The following SMAD2 variants were observed in gnomAD, a reference collection of about 807,000 sequenced individuals.
The protein encoded by SMAD2 is SMAD family member 2.
SMAD2 carries 8 observed loss-of-function variants against 64.4 expected under a neutral mutation model. The ratio of observed to expected loss-of-function variants is 0.12; its 90% CI spans 0.07 to 0.22. The LOEUF is 0.22. Ranked by LOEUF, SMAD2 falls within the 10% of genes least tolerant of loss-of-function variation. The pLI, the probability that SMAD2 is intolerant of heterozygous loss-of-function variation, is 1.00. For missense variants in SMAD2, 289 were observed against 561.2 expected (o/e 0.51, Z 4.90); for synonymous variants, 203 against 195.8 (o/e 1.04, Z -0.31).
At chr18:47,925,775 A>G (rs1013870644) in intron 1 of SMAD2, among the ~76,000 whole-genome samples, 3 of 152,242 alleles carry the variant, frequency 2.0e-5, no homozygotes, top group Non-Finnish European at 1.5e-5. Context: ...AAGGTCACCA[A>G]TAATTATCTG....
At chr18:47,855,269 C>T (rs2030565631) in intron 6 of SMAD2, among the ~76,000 whole-genome samples, 1 of 152,196 alleles carries the variant, frequency 6.6e-6, no homozygotes, top group African/African-American at 2.4e-5. Context: ...ATTAAAACAT[C>T]TTGGTTGCTT....
In SMAD2 at chr18:47,838,409, G is replaced by C. The variant is rs1913639314; in HGVS notation, c.*3418C>G. 1 of 233,216 alleles carries C rather than the reference G, an allele frequency of 4.3e-6. No homozygotes were observed. The highest frequency in any genetic ancestry group is 8.5e-6 in the Non-Finnish European group (1 of 118,034). 14.4% of individuals were successfully genotyped at this position (233,216 alleles called of 1,614,324 possible). A position where few individuals can be genotyped will look rare whatever the true frequency, so the allele number is the denominator to read the frequency against. The stretch of plus-strand genomic sequence containing the variant: ...CACAACCTCTACAAGACCAAGCACA[G>C]CTCAAGGGTCAGGGCCCCGTCCTAG... On this transcript the variant is annotated 3_prime_UTR_variant, in exon 11 of 11. Coordinates refer to ENST00000262160, the MANE Select transcript of SMAD2 (RefSeq NM_005901.6).
Position 47,827,004 on chromosome 18 carries a change from C to G in SMAD2, c.*14823G>C, listed in dbSNP as rs1182553870. 6.6e-6 allele frequency: 1 copy of G among 152,148 alleles called. No homozygotes were observed. Among genetic ancestry groups the G allele is most frequent in the Non-Finnish European group, 1.5e-5 (1 of 68,024 alleles). 9.4% of individuals were successfully genotyped at this position (152,148 alleles called of 1,614,324 possible). On this transcript the variant is annotated 3_prime_UTR_variant, in exon 11 of 11. Transcript: ENST00000262160. ...TGATGAAAAGATTTATCTAAAGTCA[C>G]ATAAATTGGCACAATCAGGGTCCAA...
At chr18:47,904,859 A>G (rs2033841011) in intron 1 of SMAD2, among the ~76,000 whole-genome samples, 1 of 152,218 alleles carries the variant, frequency 6.6e-6, no homozygotes. Flanking sequence ...GCAACACTAG[A>G]AAAGAATGTT....
intron 8 of SMAD2, among the ~76,000 whole-genome samples, chr18:47,847,852 G>C (rs1461651646): frequency 1.3e-5 from 2 of 152,198 alleles, no homozygotes; most frequent in East Asian, 3.9e-4. Flanking sequence ...AGTCATGAGA[G>C]TATGAGAGTA....
At chr18:47,891,305 C>T (rs925549279) in intron 2 of SMAD2, among the ~76,000 whole-genome samples, 8 of 152,052 alleles carry the variant, frequency 5.3e-5, no homozygotes, top group Non-Finnish European at 7.4e-5. Context: ...AACTCTGTCT[C>T]GTTTCTAAGA....
intron 2 of SMAD2, among the ~76,000 whole-genome samples, chr18:47,880,993 C>G (rs997501242): frequency 1.3e-5 from 2 of 152,190 alleles, no homozygotes; most frequent in African/African-American, 4.8e-5. Flanking sequence ...TCTCCCAAGT[C>G]TTACCTATGG....
Position 47,865,073 on chromosome 18 carries a change from T to G in SMAD2, c.716A>C (p.Gln239Pro), listed in dbSNP as rs2031461056. The change falls in exon 6 of 11, where the codon CAA (glutamine) becomes CCA (proline). Residue 239 changes from glutamine to proline, a missense_variant. Physicochemically the swap from Gln to Pro is moderately conservative, Grantham distance 76 (BLOSUM62 -1). Transcript: ENST00000262160. ...DGETSDQQLN[Q>P]SMDTGSPAEL... ...ATTTTTTTTACCTGTGTCCATACTT[T>G]GATTCAACTGTTGGTCACTTGTTTC... 1.9e-6 allele frequency: 3 copies of G among 1,602,432 alleles called. No individual in the cohort carries two copies. The highest frequency in any genetic ancestry group is 2.2e-5 in the South Asian group (2 of 90,838).
Position 47,827,829 on chromosome 18 carries a change from A to G in SMAD2, c.*13998T>C. 1.0e-5 allele frequency: 2 copies of G among 192,816 alleles called. No individual in the cohort carries two copies. The highest frequency in any genetic ancestry group is 9.0e-5 in the South Asian group (1 of 11,084). 11.9% of individuals were successfully genotyped at this position (192,816 alleles called of 1,614,324 possible). A position where few individuals can be genotyped will look rare whatever the true frequency, so the allele number is the denominator to read the frequency against. ...TGCAGTGGCACGATCTCGGCTCGCT[A>G]CAACCTCCACCTCCCAGCCGCCTGC... is the stretch of plus-strand genomic sequence containing the variant. On this transcript the variant is annotated 3_prime_UTR_variant, in exon 11 of 11. Transcript: ENST00000262160.
At chr18:47,903,289 A>C (rs979871654) in intron 1 of SMAD2, among the ~76,000 whole-genome samples, 2 of 152,038 alleles carry the variant, frequency 1.3e-5, no homozygotes, top group African/African-American at 2.4e-5. Context: ...AGGATTGCTA[A>C]AAGAAACCTC....
intron 2 of SMAD2, among the ~76,000 whole-genome samples, chr18:47,891,215 G>C (rs1490569132): frequency 6.6e-6 from 1 of 152,240 alleles, no homozygotes; most frequent in African/African-American, 2.4e-5. Flanking sequence ...TGAGGCAGGT[G>C]AATCGCTTGA....
intron 1 of SMAD2, among the ~76,000 whole-genome samples, chr18:47,927,102 G>GT (rs1421888552): frequency 6.6e-6 from 1 of 152,210 alleles, no homozygotes; most frequent in African/African-American, 2.4e-5. Context: ...CTTTCACTGA[G>GT]TTATTCAACT....
rs1365581148 is a variant in SMAD2, at chr18:47,838,121, T to C, written c.*3706A>G. On this transcript the variant is annotated 3_prime_UTR_variant, in exon 11 of 11. Coordinates refer to ENST00000262160, the MANE Select transcript of SMAD2 (RefSeq NM_005901.6). ...ACTAGCAAGAGACTAAGACTGATGT[T>C]TGTTTGTTTGTTTTACCTTCAAAGT... 1.3e-5 allele frequency: 3 copies of C among 228,180 alleles called. No homozygotes were observed. The highest frequency in any genetic ancestry group is 2.6e-5 in the Non-Finnish European group (3 of 114,572). 14.1% of individuals were successfully genotyped at this position (228,180 alleles called of 1,614,324 possible).
At chr18:47,923,959 G>A (rs566488509) in intron 1 of SMAD2, among the ~76,000 whole-genome samples, 10 of 152,250 alleles carry the variant, frequency 6.6e-5, no homozygotes, top group African/African-American at 2.2e-4. Flanking sequence ...TGTCTATTAA[G>A]AATTTTAGGC....
chr18:47,868,845 T>C (rs1448969463), intron 4 of SMAD2, among the ~76,000 whole-genome samples: 1 of 152,178 alleles, frequency 6.6e-6, no homozygotes, highest in East Asian at 1.9e-4. Flanking sequence ...GCTAACTAAA[T>C]GAAAAGTCTT....
chr18:47,898,804 A>G (rs1433975768), intron 1 of SMAD2, among the ~76,000 whole-genome samples: 1 of 152,160 alleles, frequency 6.6e-6, no homozygotes, highest in African/African-American at 2.4e-5. Context: ...ATTTTGCTTT[A>G]GGCGTCAGGA....
At chr18:47,850,177 C>A (rs1914968049) in intron 7 of SMAD2, among the ~76,000 whole-genome samples, 1 of 98,144 alleles carries the variant, frequency 1.0e-5, no homozygotes, top group Non-Finnish European at 1.9e-5. Context: ...TGCACACTCT[C>A]ATATATATAT....
chr18:47,833,271 A>T lies in SMAD2; in HGVS notation c.*8556T>A. ...ACCAGAAATCACAGGACATGTAAGCAATGTTTTCTTAAGCAGAACTTTTTT... is the reference window on the plus strand; with the variant it reads ...ACCAGAAATCACAGGACATGTAAGCTATGTTTTCTTAAGCAGAACTTTTTT... On this transcript the variant is annotated 3_prime_UTR_variant, in exon 11 of 11. Transcript: ENST00000262160. 1 of 215,932 alleles carries T rather than the reference A, an allele frequency of 4.6e-6. No individual in the cohort carries two copies. The highest frequency in any genetic ancestry group is 6.9e-5 in the East Asian group (1 of 14,566). The allele number at this position is 215,932 out of a possible 1,614,324, so 13.4% of individuals were successfully genotyped here.
In SMAD2 at chr18:47,839,910, C is replaced by T. The variant is rs1028568117; in HGVS notation, c.*1917G>A. On this transcript the variant is annotated 3_prime_UTR_variant, in exon 11 of 11. Transcript: ENST00000262160. ...CCTTGATGTCCTACCTGAAGCATCC[C>T]ATCTGTTATTCTCCAGTACAGTACC... 5.1e-5 allele frequency: 12 copies of T among 233,048 alleles called. No individual in the cohort carries two copies. Among genetic ancestry groups the T allele is most frequent in the African/African-American group, 2.6e-4 (12 of 45,296 alleles). The allele number at this position is 233,048 out of a possible 1,614,324, so 14.4% of individuals were successfully genotyped here. A position where few individuals can be genotyped will look rare whatever the true frequency, so the allele number is the denominator to read the frequency against.
Sources: gnomAD v4.1 joint callset for allele counts (sites outside exome capture counted in the v4.1 genomes callset) on GRCh38, gnomAD v4.1.1 for gene constraint, MANE v1.5 for transcripts, NCBI Gene and HGNC (gene_info 2026-07-23, HGNC 2026-07-21) for gene names.